MACROD2: variants seen among roughly 807,000 people sequenced by gnomAD.
The protein encoded by MACROD2 is mono-ADP ribosylhydrolase 2, also known as ADP-ribose glycohydrolase MACROD2.
MACROD2 carries 36 observed loss-of-function variants against 70.4 expected under a neutral mutation model. The observed-to-expected ratio is 0.51, with a 90% CI of 0.39 to 0.68. The LOEUF (loss-of-function observed/expected upper bound fraction) is 0.68, where lower values mean the gene tolerates loss of function less well. Among genes scored for constraint, MACROD2 ranks in the 30% least tolerant of loss-of-function variants. The pLI is 0.00. For synonymous variants in MACROD2, 172 were observed against 178.8 expected, an observed-to-expected ratio of 0.96 and a Z score of 0.30; for missense variants, 496 against 538.4, an observed-to-expected ratio of 0.92 and a Z score of 0.78.
chr20:14,659,743 T>G (rs1216522879), intron 4 of MACROD2, among the ~76,000 whole-genome samples: 1 of 152,186 alleles, frequency 6.6e-6, no homozygotes, highest in Non-Finnish European at 1.5e-5. Context: ...GTACTCATTT[T>G]TGAGAAATTT....
chr20:14,056,014 A>T (rs1287820651), intron 2 of MACROD2, among the ~76,000 whole-genome samples: 1 of 152,130 alleles, frequency 6.6e-6, no homozygotes, highest in Non-Finnish European at 1.5e-5. Context: ...TTGATTGATT[A>T]TGCAGATTGT....
At chr20:15,569,642 C>CAT (rs1476851522) in intron 8 of MACROD2, among the ~76,000 whole-genome samples, 3 of 152,112 alleles carry the variant, frequency 2.0e-5, no homozygotes, top group African/African-American at 7.2e-5. Context: ...GATCATGCAG[C>CAT]ATTTGTTTTT....
intron 4 of MACROD2, among the ~76,000 whole-genome samples, chr20:14,659,598 C>G (rs1840437540): frequency 6.6e-6 from 1 of 151,952 alleles, no homozygotes; most frequent in South Asian, 2.1e-4. Flanking sequence ...TTTTTTTTCT[C>G]TCTACCCTCC....
chr20:15,627,525 A>G (rs1022480723), intron 8 of MACROD2, among the ~76,000 whole-genome samples: 21 of 152,204 alleles, frequency 1.4e-4, no homozygotes, highest in African/African-American at 4.8e-4. Flanking sequence ...GGGTGTGGCT[A>G]AAATGGATGC....
intron 5 of MACROD2, among the ~76,000 whole-genome samples, chr20:15,184,062 C>T (rs555105897): frequency 7.3e-5 from 11 of 150,884 alleles, no homozygotes; most frequent in East Asian, 2.0e-4. Flanking sequence ...TGAATCATTC[C>T]GGATAGCGAA....
intron 13 of MACROD2, among the ~76,000 whole-genome samples, chr20:15,981,580 G>C (rs969372848): frequency 6.6e-6 from 1 of 152,156 alleles, no homozygotes; most frequent in African/African-American, 2.4e-5. Context: ...GTGATATTTA[G>C]AGACTGGGTT....
At chr20:14,518,988 G>A (rs1015216941) in intron 4 of MACROD2, among the ~76,000 whole-genome samples, 8 of 152,058 alleles carry the variant, frequency 5.3e-5, no homozygotes, top group African/African-American at 1.2e-4. Flanking sequence ...ATGTGGTGGC[G>A]AAAAAGTTAT....
rs528837538 is a variant in MACROD2 at position 15,929,856 on chromosome 20, G to A, written c.776-3420G>A. ...AATTTCTGAAATGTTCTTGCAAACA[G>A]TACACATTTGATAAATATTGGTTGA... On this transcript the variant is annotated intron_variant, in intron 10 of 17. Coordinates refer to ENST00000684519, the MANE Select transcript of MACROD2 (RefSeq NM_001351661.2). Among the ~76,000 whole-genome samples the A allele has an allele frequency of 2.0e-5, 3 of 152,288 alleles. No homozygotes were observed. In the South Asian group the frequency reaches 6.2e-4, roughly 32 times the overall value.
In MACROD2 at chr20:15,384,058, G is replaced by A. The variant is rs1600329287; in HGVS notation, c.541-47347G>A. Among the ~76,000 whole-genome samples the A allele has an allele frequency of 2.6e-5, 4 of 151,974 alleles. No individual in the cohort carries two copies. In the East Asian group the frequency reaches 7.7e-4, roughly 29 times the overall value. ...TTTAATAACACTCCATAAATTTCAT[G>A]CTTTTAGTCACACTTGGAATGGAGG... On this transcript the variant is annotated intron_variant, in intron 6 of 17. Coordinates refer to ENST00000684519, the MANE Select transcript of MACROD2 (RefSeq NM_001351661.2).
At chr20:14,305,025 C>T (rs930095858) in intron 3 of MACROD2, among the ~76,000 whole-genome samples, 1 of 152,132 alleles carries the variant, frequency 6.6e-6, no homozygotes, top group Non-Finnish European at 1.5e-5. Flanking sequence ...CTCGGCCCCA[C>T]TCCAGACCAA....
At position 15,673,272 on chromosome 20, in the gene MACROD2, T is replaced by C. The variant is rs1477334715; in HGVS notation, c.645+173425T>C. ...ATACAGGAGTCTATATATTGTCTTT[T>C]ATTTTCTTAAGACAGCTTAAGTTTT... On this transcript the variant is annotated intron_variant, in intron 8 of 17. Transcript: ENST00000684519. Among the ~76,000 whole-genome samples the C allele has an allele frequency of 3.3e-5, 5 of 152,240 alleles. No homozygotes were observed. The East Asian group carries it at 9.6e-4, about 29-fold the overall frequency.
chr20:15,702,604 C>G (rs2050475915), intron 8 of MACROD2, among the ~76,000 whole-genome samples: 1 of 152,072 alleles, frequency 6.6e-6, no homozygotes, highest in Admixed American at 6.6e-5. Context: ...AATATTTTCT[C>G]CCATTCTGTA....
intron 2 of MACROD2, among the ~76,000 whole-genome samples, chr20:14,039,739 T>G (rs1395262330): frequency 1.3e-5 from 2 of 151,950 alleles, no homozygotes; most frequent in East Asian, 3.8e-4. Context: ...CATATATAAG[T>G]GATATTGATA....
At chr20:15,948,643 C>A (rs2065862829) in intron 12 of MACROD2, among the ~76,000 whole-genome samples, 1 of 152,058 alleles carries the variant, frequency 6.6e-6, no homozygotes, top group South Asian at 2.1e-4. Context: ...TATTCTTCCC[C>A]TCTAAGAGAA....
chr20:16,013,976 G>A (rs1283567497), intron 15 of MACROD2, among the ~76,000 whole-genome samples: 1 of 152,202 alleles, frequency 6.6e-6, no homozygotes, highest in Non-Finnish European at 1.5e-5. Context: ...ACCATCAACT[G>A]GTTCCACATT....
At chr20:14,825,305 C>A (rs1489207417) in intron 5 of MACROD2, among the ~76,000 whole-genome samples, 1 of 152,030 alleles carries the variant, frequency 6.6e-6, no homozygotes, top group African/African-American at 2.4e-5. Context: ...GACAAGAAAC[C>A]TGGTCCTTTG....
chr20:14,781,887 A>G (rs1263832885), intron 5 of MACROD2, among the ~76,000 whole-genome samples: 1 of 151,644 alleles, frequency 6.6e-6, no homozygotes, highest in Non-Finnish European at 1.5e-5. Flanking sequence ...CCTAAGTCAG[A>G]GCTGTGTTGT....
chr20:15,094,116 AT>A (rs1303182964), intron 5 of MACROD2, among the ~76,000 whole-genome samples: 5 of 152,208 alleles, frequency 3.3e-5, no homozygotes, highest in Non-Finnish European at 7.3e-5. Flanking sequence ...GCCATAACAA[AT>A]AAATCACTTC....
chr20:14,307,012 AACACACACAC>A (rs3044626), intron 3 of MACROD2, among the ~76,000 whole-genome samples: 4,500 of 148,292 alleles, frequency 0.03, 223 homozygotes, highest in African/African-American at 0.1. Flanking sequence ...ACTAAATGTA[AACACACACAC>A]ACACACACAC....
Sources: gnomAD v4.1 joint callset for allele counts (sites outside exome capture counted in the v4.1 genomes callset) on GRCh38, gnomAD v4.1.1 for gene constraint, MANE v1.5 for transcripts, NCBI Gene and HGNC (gene_info 2026-07-23, HGNC 2026-07-21) for gene names.